MAML3: variants seen among roughly 807,000 people sequenced by gnomAD.
The protein encoded by MAML3 is mastermind like transcriptional coactivator 3.
A neutral mutation model predicts 101.9 loss-of-function variants in MAML3; 27 were observed. The observed-to-expected ratio is 0.27, with a 90% CI of 0.20 to 0.37. MAML3 has a LOEUF of 0.37. Among genes scored for constraint, MAML3 ranks in the 10% least tolerant of loss-of-function variants. MAML3 has a pLI of 1.00. For synonymous variants in MAML3, 501 were observed against 555.9 expected (o/e 0.90, Z 1.39); for missense variants, 1,316 against 1,444.9 (o/e 0.91, Z 1.45).
intron 2 of MAML3, among the ~76,000 whole-genome samples, chr4:139,824,317 G>T (rs949811211): frequency 5.9e-5 from 9 of 152,202 alleles, no homozygotes; most frequent in African/African-American, 1.9e-4. Flanking sequence ...TTTGTTTTCA[G>T]TAAATGTTTG....
chr4:140,041,501 G>A (rs1237458371), intron 1 of MAML3, among the ~76,000 whole-genome samples: 1 of 152,174 alleles, frequency 6.6e-6, no homozygotes, highest in Non-Finnish European at 1.5e-5. Flanking sequence ...GTGCACACCT[G>A]TAATCTCAGC....
intron 2 of MAML3, among the ~76,000 whole-genome samples, chr4:139,850,442 TA>T (rs1288054225): frequency 1.3e-5 from 2 of 152,200 alleles, no homozygotes; most frequent in African/African-American, 4.8e-5. Context: ...GTTTGGATAA[TA>T]AATTAGATGG....
chr4:139,776,241 T>C (rs1340737541), intron 2 of MAML3, among the ~76,000 whole-genome samples: 1 of 152,224 alleles, frequency 6.6e-6, no homozygotes, highest in African/African-American at 2.4e-5. Flanking sequence ...TTTGTTGTAT[T>C]TTGTTGCAGA....
chr4:139,734,698 C>G (rs1728862692), intron 2 of MAML3, among the ~76,000 whole-genome samples: 1 of 152,272 alleles, frequency 6.6e-6, no homozygotes, highest in Non-Finnish European at 1.5e-5. Flanking sequence ...AAATATCTCC[C>G]AAGAACAGCC....
intron 1 of MAML3, among the ~76,000 whole-genome samples, chr4:140,020,418 T>G (rs1201359440): frequency 4.6e-5 from 7 of 152,056 alleles, no homozygotes; most frequent in Non-Finnish European, 7.4e-5. Context: ...TGATTTTTTT[T>G]TTTGTTTGTG....
At chr4:139,790,752 T>C (rs1011610479) in intron 2 of MAML3, among the ~76,000 whole-genome samples, 1 of 152,222 alleles carries the variant, frequency 6.6e-6, no homozygotes, top group Non-Finnish European at 1.5e-5. Context: ...TGAATAACAT[T>C]CCATCGTATG....
chr4:140,050,857 A>T (rs1329813244), intron 1 of MAML3, among the ~76,000 whole-genome samples: 2 of 152,196 alleles, frequency 1.3e-5, no homozygotes, highest in Non-Finnish European at 2.9e-5. Flanking sequence ...TTTGATACCC[A>T]ATGAAGTTAT....
intron 1 of MAML3, among the ~76,000 whole-genome samples, chr4:140,127,861 A>G (rs1235252623): frequency 6.6e-6 from 1 of 152,246 alleles, no homozygotes; most frequent in East Asian, 1.9e-4. Flanking sequence ...CTTATTCACC[A>G]GAACGCAAGC....
chr4:139,797,996 GA>G (rs1730540503), intron 2 of MAML3, among the ~76,000 whole-genome samples: 1 of 137,406 alleles, frequency 7.3e-6, no homozygotes, highest in Non-Finnish European at 1.6e-5. Context: ...AAGCACTTAA[GA>G]AAAAAAGAAA....
At position 139,720,045 on chromosome 4, in the gene MAML3, C is replaced by G; in HGVS notation, c.2695G>C (p.Gly899Arg). The G allele has an allele frequency of 6.2e-7, 1 of 1,614,076 alleles. No homozygotes were observed. The highest frequency in any genetic ancestry group is 8.5e-7 in the Non-Finnish European group (1 of 1,179,908). The part of the protein sequence containing the change: ...GMSITHNQAQ[G>R]PRQPASGQGV... ...TGCCCAGAGGCAGGTTGCCTCGGTC[C>G]CTGGGCTTGGTTATGTGTGATGCTC... is the stretch of plus-strand genomic sequence containing the variant. Residue 899 changes from glycine (G) to arginine (R), a missense_variant, in exon 5 of 5, where the codon GGA becomes CGA. Coordinates refer to ENST00000509479, the MANE Select transcript of MAML3 (RefSeq NM_018717.5).
intron 1 of MAML3, among the ~76,000 whole-genome samples, chr4:139,924,984 C>T (rs900716846): frequency 5.5e-5 from 7 of 127,680 alleles, no homozygotes; most frequent in South Asian, 3.1e-4. Flanking sequence ...GGTGACCTTT[C>T]GCTAAACTTT....
intron 2 of MAML3, among the ~76,000 whole-genome samples, chr4:139,819,785 A>G (rs1296257236): frequency 6.6e-6 from 1 of 152,226 alleles, no homozygotes; most frequent in Non-Finnish European, 1.5e-5. Flanking sequence ...AGATCTGAAG[A>G]CTTTCTTTAA....
At position 139,875,046 on chromosome 4, in the gene MAML3, G is replaced by A. The variant is rs191604487; in HGVS notation, c.2079+14311C>T. Among the ~76,000 whole-genome samples, 204 of 152,022 alleles carry A rather than the reference G, an allele frequency of 1.3e-3. 1 individual carries two copies. The highest frequency in any genetic ancestry group is 4.5e-3 in the African/African-American group (188 of 41,458). ...TCTCAATCTCCTGACCTCGTGATCT[G>A]CCCACCTCGGCCTCCCAAAGTGCTG... is the stretch of plus-strand genomic sequence containing the variant. On this transcript the variant is annotated intron_variant, in intron 2 of 4. Coordinates refer to ENST00000509479, the MANE Select transcript of MAML3 (RefSeq NM_018717.5).
intron 1 of MAML3, among the ~76,000 whole-genome samples, chr4:140,139,531 AC>A: frequency 6.6e-6 from 1 of 152,314 alleles, no homozygotes; most frequent in South Asian, 2.1e-4. Context: ...TCTCTTAACA[AC>A]AACAACAAAA....
intron 1 of MAML3, among the ~76,000 whole-genome samples, chr4:139,973,591 A>T (rs969446537): frequency 6.6e-6 from 1 of 152,168 alleles, no homozygotes; most frequent in Admixed American, 6.5e-5. Context: ...CTATATATTC[A>T]AGTCAGGCCC....
intron 1 of MAML3, among the ~76,000 whole-genome samples, chr4:139,916,140 CA>C (rs1733023780): frequency 2.0e-5 from 3 of 152,298 alleles, no homozygotes; most frequent in Admixed American, 2.0e-4. Flanking sequence ...ATTTGAATTC[CA>C]AAGCCTGTGC....
chr4:139,788,383 T>C (rs754682146), intron 2 of MAML3, among the ~76,000 whole-genome samples: 8 of 152,216 alleles, frequency 5.3e-5, no homozygotes, highest in Non-Finnish European at 8.8e-5. Flanking sequence ...AGATGTTTTT[T>C]CATGATTATT....
intron 2 of MAML3, among the ~76,000 whole-genome samples, chr4:139,870,047 G>A (rs1378436490): frequency 2.6e-5 from 4 of 152,160 alleles, no homozygotes; most frequent in Non-Finnish European, 4.4e-5. Context: ...TTTCAAGATC[G>A]TTTGAAGATT....
chr4:139,847,484 G>A (rs549703865), intron 2 of MAML3, among the ~76,000 whole-genome samples: 1 of 152,310 alleles, frequency 6.6e-6, no homozygotes, highest in East Asian at 1.9e-4. Flanking sequence ...TCAGTTCATA[G>A]GGAGGTATCA....
Sources: allele counts gnomAD v4.1 joint callset (sites outside exome capture counted in the v4.1 genomes callset), GRCh38; gene constraint gnomAD v4.1.1; transcripts MANE v1.5; gene names NCBI Gene and HGNC (gene_info 2026-07-23, HGNC 2026-07-21).